Variants in MMS19 observed in about 807,000 individuals in gnomAD.
MMS19 encodes the protein MMS19 nucleotide excision repair protein homolog.
MMS19 carries 77 observed loss-of-function variants against 129.8 expected under a neutral mutation model. The observed-to-expected ratio is 0.59, with a 90% CI of 0.49 to 0.72. The LOEUF (loss-of-function observed/expected upper bound fraction) is 0.72, where lower values mean the gene tolerates loss of function less well. Ranked by LOEUF, MMS19 falls within the 30% of genes least tolerant of loss-of-function variation. The pLI, the probability that MMS19 is intolerant of heterozygous loss-of-function variation, is 0.00. For synonymous variants in MMS19, 491 were observed against 502.8 expected, an observed-to-expected ratio of 0.98 and a Z score of 0.31; for missense variants, 1,168 against 1,266.3, an observed-to-expected ratio of 0.92 and a Z score of 1.18.
At chr10:97,497,535 C>T (rs980774785) in intron 1 of MMS19, among the ~76,000 whole-genome samples, 105 of 142,642 alleles carry the variant, frequency 7.4e-4, no homozygotes, top group Admixed American at 1.2e-3. Context: ...TTTTTTTTTT[C>T]CTAGAAGAGC....
At chr10:97,490,793 T>G (rs193289906) in intron 1 of MMS19, among the ~76,000 whole-genome samples, 102 of 152,336 alleles carry the variant, frequency 6.7e-4, no homozygotes, top group African/African-American at 2.3e-3. Flanking sequence ...TTAGGACTTA[T>G]AGCTCGTGAC....
chr10:97,481,677 T>G (rs2036822242), intron 2 of MMS19, among the ~76,000 whole-genome samples: 1 of 152,074 alleles, frequency 6.6e-6, no homozygotes, highest in Admixed American at 6.5e-5. Context: ...TCCTCAAAAT[T>G]GCTCTACGGA....
intron 8 of MMS19, among the ~76,000 whole-genome samples, chr10:97,471,084 T>C (rs1045447883): frequency 1.3e-5 from 2 of 152,188 alleles, no homozygotes; most frequent in East Asian, 1.9e-4. Context: ...TTTCTATCAT[T>C]TCACCACTCA....
At chr10:97,470,027 G>A (rs1465090893) in intron 10 of MMS19, 102 bp downstream of exon 10, 41 of 846,244 alleles carry the variant, frequency 4.8e-5, no homozygotes, top group Non-Finnish European at 7.9e-5. Context: ...ATCCTCTTCT[G>A]AGGCCCATGA....
Position 97,462,080 on chromosome 10 carries a change from G to C in MMS19, c.2052C>G (p.Phe684Leu). The stretch of plus-strand genomic sequence containing the variant: ...GCAGAAAGGACACGTTGCCATCCAA[G>C]AAGAGGGGCACAATGTGTGTCACAC... Reference protein sequence around the residue: ...AQSVTHIVPLFLDGNVSFLPE... With the variant: ...AQSVTHIVPLLLDGNVSFLPE... The change falls in exon 21 of 31, where the codon TTC (phenylalanine) becomes TTG (leucine). Residue 684 changes from phenylalanine to leucine, a missense_variant. Phe to Leu is a conservative substitution (Grantham distance 22). Transcript: ENST00000438925. The C allele has an allele frequency of 6.3e-7, 1 of 1,589,108 alleles. No homozygotes were observed. The highest frequency in any genetic ancestry group is 1.3e-5 in the African/African-American group (1 of 74,524).
Position 97,465,857 on chromosome 10 carries a change from G to A in MMS19, c.1704C>T (p.Ile568=), listed in dbSNP as rs372439230. 23 of 1,613,784 alleles carry A rather than the reference G, an allele frequency of 1.4e-5. No individual in the cohort carries two copies. Among genetic ancestry groups the A allele is most frequent in the African/African-American group, 1.1e-4 (8 of 74,930 alleles). The part of the protein sequence containing the change: ...ALSAVSTHPS[I]VKETLPLLLQ... ...GCAGCAGAGGCAGTGTCTCCTTGAC[G>A]ATGCTGGGATGTGTTGATACAGCTG... Residue 568 remains isoleucine (I), a synonymous_variant, in exon 18 of 31, where the codon ATC becomes ATT. Coordinates refer to ENST00000438925, the MANE Select transcript of MMS19 (RefSeq NM_022362.5).
chr10:97,461,684 C>T (rs1167332714), intron 22 of MMS19, 62 bp from the exon 23 acceptor site: 11 of 1,572,318 alleles, frequency 7.0e-6, no homozygotes, highest in African/African-American at 2.7e-5. Context: ...AGAACCAGTA[C>T]ATAGTGGCAG....
chr10:97,461,717 C>A (rs2031994324), intron 22 of MMS19, 95 bp from the exon 23 acceptor site: 1 of 1,545,552 alleles, frequency 6.5e-7, no homozygotes, highest in African/African-American at 1.4e-5. Flanking sequence ...CGGATGAGAA[C>A]TAACTTCTCT....
chr10:97,465,321 G>C (rs1402388032), intron 18 of MMS19, among the ~76,000 whole-genome samples: 2 of 151,908 alleles, frequency 1.3e-5, no homozygotes, highest in Non-Finnish European at 2.9e-5. Context: ...TTGAGATAGA[G>C]TTTCACTCTA....
In MMS19 at chr10:97,465,893, C is replaced by A. The variant is rs780952504; in HGVS notation, c.1668G>T (p.Leu556=). 6.2e-6 allele frequency: 10 copies of A among 1,613,886 alleles called. No individual in the cohort carries two copies. The East Asian group carries it at 2.2e-4, about 36-fold the overall frequency. Residue 556 remains leucine (L), a synonymous_variant, in exon 18 of 31, where the codon CTG becomes CTT. Transcript: ENST00000438925. ...GTGTTGATACAGCTGACAAGGCTTG[C>A]AGACAGCACAGATGCCGGGAGCATT... ...PTQCSRHLCC[L]QALSAVSTHP... is the part of the protein sequence containing the mutation.
In MMS19 at chr10:97,465,940, T is replaced by C. The variant is rs1336000436; in HGVS notation, c.1621A>G (p.Thr541Ala). 1 of 1,613,784 alleles carries C rather than the reference T, an allele frequency of 6.2e-7. No individual in the cohort carries two copies. The highest frequency in any genetic ancestry group is 2.2e-5 in the East Asian group (1 of 44,870). ...EELRVGESNL[T>A]NGDEPTQCSR... Reference sequence around the variant, plus strand: ...CATTGGGTGGGCTCATCTCCGTTAGTCAAATTTGACTCCCCTGAAAGCAAC... The same window carrying C: ...CATTGGGTGGGCTCATCTCCGTTAGCCAAATTTGACTCCCCTGAAAGCAAC... Residue 541 changes from threonine to alanine, a missense_variant, in exon 18 of 31, where the codon ACT (threonine) becomes GCT (alanine). Transcript: ENST00000438925.
intron 1 of MMS19, among the ~76,000 whole-genome samples, chr10:97,493,747 G>A (rs2039340436): frequency 6.6e-6 from 1 of 152,200 alleles, no homozygotes; most frequent in Non-Finnish European, 1.5e-5. Flanking sequence ...TGGCATGGTG[G>A]TTCACACCTG....
At chr10:97,480,019 C>G (rs1429454057) in intron 3 of MMS19, among the ~76,000 whole-genome samples, 4 of 152,168 alleles carry the variant, frequency 2.6e-5, no homozygotes, top group African/African-American at 9.7e-5. Flanking sequence ...TATGGCGATT[C>G]CCATGGCGTT....
Position 97,477,378 on chromosome 10 carries a change from G to T in MMS19, c.462C>A (p.Ile154=). Residue 154 remains isoleucine (I), a synonymous_variant, in exon 6 of 31, where the codon ATC becomes ATA. Transcript: ENST00000438925. ...PQVDRHTVYN[I]ITNFMRTREE... ...CCCGGGTTCGCATAAAATTGGTGAT[G>T]ATATTGTAGACTGTGTGTCGGTCCA... 2 of 1,613,986 alleles carry T rather than the reference G, an allele frequency of 1.2e-6. No individual in the cohort carries two copies. The highest frequency in any genetic ancestry group is 1.7e-6 in the Non-Finnish European group (2 of 1,179,880).
At chr10:97,463,790 G>C in intron 19 of MMS19, 68 bp downstream of exon 19, 3 of 1,350,022 alleles carry the variant, frequency 2.2e-6, no homozygotes, top group African/African-American at 1.4e-5. Flanking sequence ...ATACCCAGAG[G>C]GTGGTGCTGT....
intron 19 of MMS19, 199 bp from the exon 20 acceptor site, chr10:97,462,881 C>T (rs981906506): frequency 2.2e-5 from 13 of 587,648 alleles, no homozygotes; most frequent in African/African-American, 1.7e-4. Context: ...GGCCACAGAG[C>T]GCTCCTGAGA....
In MMS19 at chr10:97,460,465, C is replaced by T. The variant is rs984061304; in HGVS notation, c.2469+230G>A. On this transcript the variant is annotated intron_variant, in intron 25 of 30. Transcript: ENST00000438925. ...GTGCCCCTGTAGTCCCAGCTACTTG[C>T]GAGGCTGAAGTGGGAGGATCACTTG... The T allele has an allele frequency of 2.4e-5, 15 of 618,816 alleles. 1 individual carries two copies. In the South Asian group the frequency reaches 2.9e-4, roughly 12 times the overall value. The allele number at this position is 618,816 out of a possible 1,614,324, so 38.3% of individuals were successfully genotyped here.
At chr10:97,498,619 TAA>T (rs1186996634), upstream of MMS19, 15 of 525,490 alleles carry the variant, frequency 2.9e-5, no homozygotes, top group African/African-American at 2.7e-4. Context: ...TGAGGGCGAA[TAA>T]TTCCCAGCCC....
chr10:97,487,705 A>T (rs1202177879), intron 1 of MMS19, among the ~76,000 whole-genome samples: 1 of 152,234 alleles, frequency 6.6e-6, no homozygotes, highest in African/African-American at 2.4e-5. Flanking sequence ...TACAAGGCAA[A>T]AATAATGATC....
Sources: allele counts gnomAD v4.1 joint callset (sites outside exome capture counted in the v4.1 genomes callset), GRCh38; gene constraint gnomAD v4.1.1; transcripts MANE v1.5; gene names NCBI Gene and HGNC (gene_info 2026-07-23, HGNC 2026-07-21).